GATA4: variants seen among roughly 807,000 people sequenced by gnomAD.
GATA4 encodes the protein GATA binding protein 4.
Under a neutral mutation model 37.9 loss-of-function variants are expected in GATA4, and 7 were observed. That is an observed-to-expected ratio of 0.18 (90% CI 0.11 to 0.35). The LOEUF is 0.35. GATA4 is among the 10% of genes least tolerant of loss of function. The pLI, the probability that GATA4 is intolerant of heterozygous loss-of-function variation, is 1.00. For synonymous variants in GATA4, 372 were observed against 292.6 expected (o/e 1.27, Z -2.77); for missense variants, 647 against 653.0 (o/e 0.99, Z 0.10).
intron 2 of GATA4, among the ~76,000 whole-genome samples, chr8:11,741,144 A>T (rs1229260585): frequency 1.3e-5 from 2 of 152,144 alleles, no homozygotes; most frequent in African/African-American, 4.8e-5. Flanking sequence ...CAGCAAATGA[A>T]GTCTTATTCA....
At chr8:11,724,125 T>A (rs1451408582) in intron 2 of GATA4, among the ~76,000 whole-genome samples, 1 of 152,220 alleles carries the variant, frequency 6.6e-6, no homozygotes, top group Non-Finnish European at 1.5e-5. Flanking sequence ...TTTTGTAGCA[T>A]GTCAGAATGC....
intron 2 of GATA4, among the ~76,000 whole-genome samples, chr8:11,710,524 C>CA (rs773444142): frequency 0.081 from 9,349 of 115,140 alleles, 363 homozygotes; most frequent in Middle Eastern, 0.14. Flanking sequence ...TACTAAAATA[C>CA]AAAAAAAAAA....
intron 2 of GATA4, among the ~76,000 whole-genome samples, chr8:11,736,664 T>C (rs923625361): frequency 2.0e-5 from 3 of 152,250 alleles, no homozygotes; most frequent in African/African-American, 7.2e-5. Context: ...CCCAGTCAAT[T>C]GCATTCCTCT....
chr8:11,709,187 C>T lies in GATA4; in HGVS notation c.616+259C>T, dbSNP rs1033195942. Among the ~76,000 whole-genome samples, 4 of 152,202 alleles carry T rather than the reference C, an allele frequency of 2.6e-5. No individual in the cohort carries two copies. Among genetic ancestry groups the T allele is most frequent in the African/African-American group, 4.8e-5 (2 of 41,460 alleles). Reference sequence around the variant, plus strand: ...TGGTGTCAGGGTCGGAGTGCGGCCTCCCCGCCATCCCAGACATCGACCGTG... The same window carrying T: ...TGGTGTCAGGGTCGGAGTGCGGCCTTCCCGCCATCCCAGACATCGACCGTG... On this transcript the variant is annotated intron_variant, in intron 2 of 6. Transcript: ENST00000532059. This position sits in a 1 kb window ranked among gnomAD's most constrained non-coding sequence, Gnocchi z 4.3.
chr8:11,677,502 T>C (rs1798821703), intron 1 of GATA4, among the ~76,000 whole-genome samples: 1 of 152,182 alleles, frequency 6.6e-6, no homozygotes, highest in African/African-American at 2.4e-5. Flanking sequence ...CAGGACCATC[T>C]GGCCTCTGCT....
chr8:11,733,416 G>A (rs1801301710), intron 2 of GATA4, among the ~76,000 whole-genome samples: 1 of 152,200 alleles, frequency 6.6e-6, no homozygotes, highest in South Asian at 2.1e-4. Flanking sequence ...AGACACACTG[G>A]CACGGAAGCT....
intron 1 of GATA4, among the ~76,000 whole-genome samples, chr8:11,678,757 C>G: frequency 6.6e-6 from 1 of 152,142 alleles, no homozygotes; most frequent in Non-Finnish European, 1.5e-5. Flanking sequence ...GAAAGTCCCA[C>G]TTTATGAACT....
chr8:11,705,126 G>A (rs1042596152), intron 1 of GATA4, among the ~76,000 whole-genome samples: 93 of 152,374 alleles, frequency 6.1e-4, no homozygotes, highest in African/African-American at 2.1e-3. Context: ...TTTTGGCTGG[G>A]GAAAGAGCGT....
Position 11,756,962 on chromosome 8 carries a change from C to T in GATA4, c.1028C>T (p.Pro343Leu). ...CCTTCAGGCAGTGAGAGCCTTCCTC[C>T]CGCCAGCGGTGCTTCCAGCAACTCC... ...AAPSGSESLP[P>L]ASGASSNSSN... is the part of the protein sequence containing the mutation. Residue 343 changes from proline to leucine, a missense_variant, in exon 6 of 7, where the codon CCC (proline) becomes CTC (leucine). Pro to Leu is a moderately conservative substitution (Grantham distance 98). Coordinates refer to ENST00000532059, the MANE Select transcript of GATA4 (RefSeq NM_001308093.3). 6.2e-7 allele frequency: 1 copy of T among 1,614,266 alleles called. No individual in the cohort carries two copies. The highest frequency in any genetic ancestry group is 8.5e-7 in the Non-Finnish European group (1 of 1,180,050).
intron 2 of GATA4, among the ~76,000 whole-genome samples, chr8:11,732,930 C>T (rs1288155305): frequency 2.0e-5 from 3 of 152,296 alleles, no homozygotes; most frequent in Admixed American, 1.3e-4. Context: ...TCTCAGCTCT[C>T]CTGCCTGTTC....
chr8:11,700,314 A>G (rs553331170), upstream of GATA4, among the ~76,000 whole-genome samples: 2 of 152,352 alleles, frequency 1.3e-5, no homozygotes, highest in Admixed American at 1.3e-4. Flanking sequence ...AAGCAAGACC[A>G]TTAACAAGGA....
intron 2 of GATA4, among the ~76,000 whole-genome samples, chr8:11,710,968 G>A (rs1800157817): frequency 6.6e-6 from 1 of 152,048 alleles, no homozygotes; most frequent in Admixed American, 6.6e-5. Context: ...AAAATTAGCT[G>A]GGTTTGGTGG....
chr8:11,682,939 C>A, intron 1 of GATA4: 1 of 391,670 alleles, frequency 2.6e-6, no homozygotes, highest in Non-Finnish European at 3.5e-6. Flanking sequence ...ACACCGGGGA[C>A]CTGCTTTGTT....
At chr8:11,756,767 C>T (rs1802588854) in intron 5 of GATA4, 168 bp from the exon 6 acceptor site, 7 of 859,302 alleles carry the variant, frequency 8.1e-6, no homozygotes, top group African/African-American at 1.7e-5. Flanking sequence ...GGGGAAGAAG[C>T]CATCCCTGTG....
upstream of GATA4, among the ~76,000 whole-genome samples, chr8:11,689,359 T>C (rs1185324514): frequency 6.6e-6 from 1 of 152,206 alleles, no homozygotes; most frequent in East Asian, 1.9e-4. Context: ...TGCAAAATTA[T>C]AAGTGAATGT....
chr8:11,715,519 CG>C (rs142761239), intron 2 of GATA4, among the ~76,000 whole-genome samples: 3,507 of 152,160 alleles, frequency 0.023, 84 homozygotes, highest in East Asian at 0.1. Context: ...GAGGCTGAGG[CG>C]GGCGGATCGT....
intron 2 of GATA4, among the ~76,000 whole-genome samples, chr8:11,729,429 C>T (rs552252332): frequency 2.0e-5 from 3 of 151,818 alleles, no homozygotes; most frequent in East Asian, 1.9e-4. Flanking sequence ...ATTAGCCAGG[C>T]GTGGTGGCAT....
intron 1 of GATA4, among the ~76,000 whole-genome samples, chr8:11,677,251 G>T (rs760091610): frequency 3.9e-5 from 6 of 152,348 alleles, no homozygotes; most frequent in Non-Finnish European, 8.8e-5. Flanking sequence ...AGGCTTTGAG[G>T]CCTTTGCGGA....
At chr8:11,692,897 C>A (rs1431345864) in intron 1 of GATA4, 3 of 983,086 alleles carry the variant, frequency 3.1e-6, no homozygotes, top group Non-Finnish European at 3.6e-6. Context: ...GCCCCGCGCT[C>A]GCCTCCAGCC....
Sources: allele counts gnomAD v4.1 joint callset (sites outside exome capture counted in the v4.1 genomes callset), GRCh38; gene constraint gnomAD v4.1.1; non-coding constraint Gnocchi (gnomAD v3.1); transcripts MANE v1.5; gene names NCBI Gene and HGNC (gene_info 2026-07-23, HGNC 2026-07-21).